Variants in CCNY observed in about 807,000 individuals in gnomAD.
The protein encoded by CCNY is cyclin-Y.
Under a neutral mutation model 42.8 loss-of-function variants are expected in CCNY, and 19 were observed. The observed-to-expected ratio is 0.44, with a 90% confidence interval of 0.31 to 0.65. CCNY has a LOEUF of 0.65. Among genes scored for constraint, CCNY ranks in the 30% least tolerant of loss-of-function variants. CCNY has a pLI of 0.07. For missense variants in CCNY, 370 were observed against 437.3 expected (o/e 0.85, Z 1.37); for synonymous variants, 165 against 162.7 (o/e 1.01, Z -0.11).
At chr10:35,545,658 T>G (rs1841096750) in intron 7 of CCNY, among the ~76,000 whole-genome samples, 1 of 152,112 alleles carries the variant, frequency 6.6e-6, no homozygotes, top group Admixed American at 6.5e-5. Context: ...ACATATGCAT[T>G]TTGGAAGAGG....
intron 3 of CCNY, among the ~76,000 whole-genome samples, chr10:35,265,801 G>T (rs1589006808): frequency 6.6e-6 from 1 of 152,176 alleles, no homozygotes; most frequent in South Asian, 2.1e-4. Flanking sequence ...ATAGAAGAAG[G>T]TCTAGTGGGT....
intron 3 of CCNY, among the ~76,000 whole-genome samples, chr10:35,306,467 C>T (rs1835607543): frequency 6.6e-6 from 1 of 152,204 alleles, no homozygotes; most frequent in South Asian, 2.1e-4. Context: ...CAGCTCCTTC[C>T]CTGGCTTTCG....
Position 35,494,098 on chromosome 10 carries a change from G to A in CCNY, c.230-7403G>A, listed in dbSNP as rs564732529. ...GTGTTTTCCTTGATAAAGATAGATCGTGGACCCCCACATCTTAGAGTTGCT... is the reference window on the plus strand; with the variant it reads ...GTGTTTTCCTTGATAAAGATAGATCATGGACCCCCACATCTTAGAGTTGCT... On this transcript the variant is annotated intron_variant, in intron 2 of 9. Transcript: ENST00000374704. 4.6e-5 allele frequency among the ~76,000 whole-genome samples: 7 copies of A among 152,100 alleles called. No individual in the cohort carries two copies. The South Asian group carries it at 1.0e-3, about 23-fold the overall frequency.
intron 3 of CCNY, among the ~76,000 whole-genome samples, chr10:35,254,844 A>G (rs2095714379): frequency 6.8e-6 from 1 of 146,660 alleles, no homozygotes; most frequent in East Asian, 2.0e-4. Context: ...AAAAAAAAAA[A>G]AAAAAAGGAA....
At chr10:35,342,298 T>C (rs1163245226) in intron 1 of CCNY, among the ~76,000 whole-genome samples, 1 of 152,244 alleles carries the variant, frequency 6.6e-6, no homozygotes, top group South Asian at 2.1e-4. Context: ...GGTCCCACAT[T>C]AACATTACCA....
At chr10:35,439,092 G>A (rs1838606126) in intron 1 of CCNY, among the ~76,000 whole-genome samples, 2 of 152,226 alleles carry the variant, frequency 1.3e-5, no homozygotes, top group African/African-American at 2.4e-5. Flanking sequence ...GAATTTTTCT[G>A]TCTTTAGTTT....
intron 8 of CCNY, among the ~76,000 whole-genome samples, chr10:35,563,432 T>C (rs923695770): frequency 5.3e-5 from 8 of 152,168 alleles, no homozygotes; most frequent in Non-Finnish European, 8.8e-5. Flanking sequence ...TCTCTTAGAC[T>C]TTTCTTCTTA....
At chr10:35,319,053 C>T (rs1835793283) in intron 3 of CCNY, among the ~76,000 whole-genome samples, 1 of 152,140 alleles carries the variant, frequency 6.6e-6, no homozygotes, top group South Asian at 2.1e-4. Context: ...GCCTTGACTG[C>T]CTGGGCTCAA....
intron 1 of CCNY, among the ~76,000 whole-genome samples, chr10:35,373,613 T>G (rs964329020): frequency 6.6e-6 from 1 of 152,214 alleles, no homozygotes; most frequent in African/African-American, 2.4e-5. Context: ...TTCCTCATCT[T>G]CCTTCAACCT....
At chr10:35,350,276 C>T (rs1836402038) in intron 1 of CCNY, among the ~76,000 whole-genome samples, 1 of 152,130 alleles carries the variant, frequency 6.6e-6, no homozygotes, top group South Asian at 2.1e-4. Context: ...CTTTTTTCTT[C>T]CTTTTTTATT....
chr10:35,398,928 A>T (rs1837583388), intron 1 of CCNY, among the ~76,000 whole-genome samples: 1 of 152,196 alleles, frequency 6.6e-6, no homozygotes, highest in Admixed American at 6.5e-5. Context: ...GCCTTGCCTG[A>T]CAGAGCTGCC....
chr10:35,418,764 T>A (rs1338600962), intron 1 of CCNY, among the ~76,000 whole-genome samples: 1 of 151,958 alleles, frequency 6.6e-6, no homozygotes, highest in African/African-American at 2.4e-5. Context: ...TCATGTGAGG[T>A]GTGATGTAGG....
chr10:35,509,689 T>G (rs1161785154), intron 3 of CCNY, among the ~76,000 whole-genome samples: 1 of 152,178 alleles, frequency 6.6e-6, no homozygotes. Context: ...CCCCTGGTGG[T>G]CCTGGAAAAG....
intron 3 of CCNY, among the ~76,000 whole-genome samples, chr10:35,272,349 A>G (rs1175749932): frequency 6.6e-6 from 1 of 151,500 alleles, no homozygotes; most frequent in East Asian, 1.9e-4. Flanking sequence ...ACATAGATAA[A>G]CCTGTATCAT....
At chr10:35,507,722 T>C (rs1840242879) in intron 3 of CCNY, among the ~76,000 whole-genome samples, 1 of 152,194 alleles carries the variant, frequency 6.6e-6, no homozygotes, top group Non-Finnish European at 1.5e-5. Context: ...CTATGTCCTT[T>C]AATCTGGAGC....
intron 1 of CCNY, among the ~76,000 whole-genome samples, chr10:35,247,447 C>T (rs545623885): frequency 8.8e-4 from 133 of 151,760 alleles, no homozygotes; most frequent in African/African-American, 2.9e-3. Flanking sequence ...TAGCCAGGCA[C>T]GGTGGTGCAC....
intron 1 of CCNY, among the ~76,000 whole-genome samples, chr10:35,419,574 A>G (rs749852203): frequency 8.5e-5 from 12 of 140,676 alleles, no homozygotes; most frequent in Non-Finnish European, 1.5e-4. Flanking sequence ...TTTTAAGGTG[A>G]TAAGTTATCG....
intron 1 of CCNY, among the ~76,000 whole-genome samples, chr10:35,410,169 G>T (rs1250544254): frequency 6.6e-6 from 1 of 152,188 alleles, no homozygotes; most frequent in Non-Finnish European, 1.5e-5. Flanking sequence ...ACTTTGAACA[G>T]TGTCAAAGCT....
chr10:35,303,773 G>A (rs1465399908), intron 3 of CCNY, among the ~76,000 whole-genome samples: 15 of 83,494 alleles, frequency 1.8e-4, no homozygotes, highest in Admixed American at 1.6e-3. Flanking sequence ...GCGAAACTCC[G>A]TCTCAAAAAA....
Sources: gnomAD v4.1 joint callset for allele counts (sites outside exome capture counted in the v4.1 genomes callset) on GRCh38, gnomAD v4.1.1 for gene constraint, MANE v1.5 for transcripts, NCBI Gene and HGNC (gene_info 2026-07-23, HGNC 2026-07-21) for gene names.